The following NUBPL variants were observed in gnomAD, a reference collection of about 807,000 sequenced individuals.
NUBPL encodes NUBP iron-sulfur cluster assembly factor, mitochondrial.
A neutral mutation model predicts 45.7 loss-of-function variants in NUBPL; 31 were observed. That is an observed-to-expected ratio of 0.68 (90% CI 0.51 to 0.92). NUBPL has a LOEUF of 0.92. NUBPL is among the 40% of genes least tolerant of loss of function. NUBPL has a pLI of 0.00. For synonymous variants in NUBPL, 144 were observed against 140.9 expected (o/e 1.02, Z -0.15); for missense variants, 401 against 398.7 (o/e 1.01, Z -0.05).
intron 6 of NUBPL, among the ~76,000 whole-genome samples, chr14:31,734,435 A>T (rs1009001889): frequency 6.6e-6 from 1 of 152,246 alleles, no homozygotes; most frequent in African/African-American, 2.4e-5. Context: ...ACCAGTGCAC[A>T]CAGTGGTTCT....
chr14:31,625,967 G>C (rs2035194274), intron 4 of NUBPL, among the ~76,000 whole-genome samples: 1 of 152,046 alleles, frequency 6.6e-6, no homozygotes, highest in South Asian at 2.1e-4. Flanking sequence ...AGAAACAAGA[G>C]AGTTGGGTAT....
chr14:31,706,229 A>G (rs139871109), intron 6 of NUBPL, among the ~76,000 whole-genome samples: 1 of 152,242 alleles, frequency 6.6e-6, no homozygotes, highest in East Asian at 1.9e-4. Context: ...CCTGCTGGAT[A>G]GGGGCAAAGA....
intron 4 of NUBPL, among the ~76,000 whole-genome samples, chr14:31,605,416 G>A (rs571760156): frequency 8.9e-4 from 136 of 152,280 alleles, no homozygotes; most frequent in African/African-American, 3.2e-3. Context: ...CAAGACCTGT[G>A]GAGAGAGTTT....
Position 31,725,728 on chromosome 14 carries a change from T to TG in NUBPL, c.513+52155dup, listed in dbSNP as rs10672192. 8.7e-5 allele frequency among the ~76,000 whole-genome samples: 13 copies of TG among 149,184 alleles called. No individual in the cohort carries two copies. In the East Asian group the frequency reaches 1.8e-3, roughly 20 times the overall value. On this transcript the variant is annotated intron_variant, in intron 6 of 10. Transcript: ENST00000281081. ...TTTCAGCTTTTTTTTTTTTTTTTTTTGACTTGAGTCTCACTCTGTTGCCCA... is the reference window on the plus strand; with the variant it reads ...TTTCAGCTTTTTTTTTTTTTTTTTTTGGACTTGAGTCTCACTCTGTTGCCCA...
chr14:31,664,672 TC>T (rs1469926405), intron 4 of NUBPL, among the ~76,000 whole-genome samples: 9 of 152,344 alleles, frequency 5.9e-5, no homozygotes, highest in African/African-American at 2.2e-4. Context: ...TCGATGTTCA[TC>T]AGGGATGTAG....
chr14:31,625,123 G>A (rs2035169357), intron 4 of NUBPL, among the ~76,000 whole-genome samples: 1 of 152,150 alleles, frequency 6.6e-6, no homozygotes. Context: ...CAGAGAAAGG[G>A]TATGAAGAGG....
At chr14:31,756,800 C>G (rs1023871087) in intron 6 of NUBPL, among the ~76,000 whole-genome samples, 1 of 151,928 alleles carries the variant, frequency 6.6e-6, no homozygotes, top group African/African-American at 2.4e-5. Context: ...GGAAAGCTTC[C>G]AGTTTTTGCC....
At chr14:31,758,507 A>C (rs573647264) in intron 6 of NUBPL, among the ~76,000 whole-genome samples, 5 of 152,294 alleles carry the variant, frequency 3.3e-5, no homozygotes, top group South Asian at 2.1e-4. Context: ...CATTTTCCGT[A>C]ATTAATGTCA....
At chr14:31,847,998 A>G (rs1283036135) in intron 9 of NUBPL, among the ~76,000 whole-genome samples, 1 of 152,234 alleles carries the variant, frequency 6.6e-6, no homozygotes, top group Non-Finnish European at 1.5e-5. Flanking sequence ...CAACATTGTA[A>G]TTTCCTAACT....
intron 4 of NUBPL, among the ~76,000 whole-genome samples, chr14:31,666,914 G>C (rs1235898333): frequency 1.3e-5 from 2 of 152,164 alleles, no homozygotes; most frequent in Non-Finnish European, 2.9e-5. Context: ...TTTCTGTAGA[G>C]AGATCTACTG....
intron 7 of NUBPL, among the ~76,000 whole-genome samples, chr14:31,811,582 A>T (rs564537022): frequency 1.3e-5 from 2 of 152,100 alleles, no homozygotes; most frequent in South Asian, 4.2e-4. Context: ...TAGCTCAGAG[A>T]AGTTTGTTAT....
chr14:31,743,194 T>G (rs896897743), intron 6 of NUBPL, among the ~76,000 whole-genome samples: 2 of 152,148 alleles, frequency 1.3e-5, no homozygotes, highest in African/African-American at 2.4e-5. Flanking sequence ...CTCCACCGTT[T>G]AAATGTCTTT....
At chr14:31,745,399 G>T (rs954720381) in intron 6 of NUBPL, among the ~76,000 whole-genome samples, 5 of 152,084 alleles carry the variant, frequency 3.3e-5, no homozygotes, top group African/African-American at 1.2e-4. Flanking sequence ...TTTTATGGCT[G>T]CATAGTATTC....
intron 3 of NUBPL, among the ~76,000 whole-genome samples, chr14:31,580,693 A>G (rs1566425997): frequency 6.6e-6 from 1 of 152,248 alleles, no homozygotes. Flanking sequence ...CTCTGAAGAC[A>G]TGACATTTGA....
At chr14:31,754,586 G>GTTTT (rs2038607679) in intron 6 of NUBPL, among the ~76,000 whole-genome samples, 1 of 104,728 alleles carries the variant, frequency 9.5e-6, no homozygotes, top group African/African-American at 4.4e-5. Context: ...TGTCAAGAGG[G>GTTTT]TTTTCTTTTT....
intron 6 of NUBPL, among the ~76,000 whole-genome samples, chr14:31,699,372 T>G (rs2037284171): frequency 6.6e-6 from 1 of 152,218 alleles, no homozygotes; most frequent in Admixed American, 6.5e-5. Context: ...TACCTATTAT[T>G]AGGTATTTAT....
At chr14:31,737,208 A>G (rs1272425371) in intron 6 of NUBPL, among the ~76,000 whole-genome samples, 2 of 152,182 alleles carry the variant, frequency 1.3e-5, no homozygotes, top group African/African-American at 4.8e-5. Flanking sequence ...TATTTTATTT[A>G]AGAAGTCTTT....
At chr14:31,688,244 G>A (rs1180704216) in intron 6 of NUBPL, among the ~76,000 whole-genome samples, 1 of 152,144 alleles carries the variant, frequency 6.6e-6, no homozygotes, top group Non-Finnish European at 1.5e-5. Context: ...GGCAGTTTCT[G>A]CCAGCCAAGA....
intron 6 of NUBPL, among the ~76,000 whole-genome samples, chr14:31,739,957 A>G (rs896616328): frequency 3.3e-5 from 5 of 152,166 alleles, no homozygotes; most frequent in Non-Finnish European, 7.3e-5. Flanking sequence ...GTAGCATTTA[A>G]GTTTCCTCCA....
Sources: allele counts gnomAD v4.1 joint callset (sites outside exome capture counted in the v4.1 genomes callset), GRCh38; gene constraint gnomAD v4.1.1; transcripts MANE v1.5; gene names NCBI Gene and HGNC (gene_info 2026-07-23, HGNC 2026-07-21).